PUDP: variants seen among roughly 807,000 people sequenced by gnomAD.
PUDP encodes the protein pseudouridine-5'-phosphatase.
Under a neutral mutation model 9.4 loss-of-function variants are expected in PUDP, and 8 were observed. The ratio of observed to expected loss-of-function variants is 0.85; its 90% CI spans 0.50 to 1.53. PUDP has a LOEUF of 1.53. Ranked by LOEUF, PUDP falls within the 40% of genes most tolerant of loss-of-function variation. The pLI is 0.00. For synonymous variants in PUDP, 99 were observed against 80.7 expected, an observed-to-expected ratio of 1.23 and a Z score of -1.22; for missense variants, 188 against 189.7, an observed-to-expected ratio of 0.99 and a Z score of 0.05.
At chrX:6,971,613 A>G (rs1460330554) in intron 3 of PUDP, among the ~76,000 whole-genome samples, 3 of 104,061 alleles carry the variant, frequency 2.9e-5, no homozygotes, top group Non-Finnish European at 5.9e-5. Flanking sequence ...TTCAGTAGAG[A>G]CGGGGTTTCA....
intron 3 of PUDP, among the ~76,000 whole-genome samples, chrX:6,933,540 C>T (rs1212556761): frequency 6.4e-5 from 7 of 110,189 alleles, no homozygotes; most frequent in Non-Finnish European, 1.3e-4. Flanking sequence ...GGGGAAAAAA[C>T]AGAACACAAA....
At chrX:6,834,396 C>G (rs945868753) in intron 3 of PUDP, among the ~76,000 whole-genome samples, 4 of 111,612 alleles carry the variant, frequency 3.6e-5, no homozygotes, top group African/African-American at 1.3e-4. Flanking sequence ...GTTCCTAAGT[C>G]ACCAGGCAGG....
intron 3 of PUDP, among the ~76,000 whole-genome samples, chrX:6,970,505 G>A (rs776948279): frequency 1.8e-5 from 2 of 111,197 alleles, no homozygotes; most frequent in South Asian, 3.8e-4. Flanking sequence ...AGGACCTGGC[G>A]GTACGCAGAA....
chrX:7,089,676 C>T (rs1238118746), intron 2 of PUDP, among the ~76,000 whole-genome samples: 1 of 111,969 alleles, frequency 8.9e-6, no homozygotes, highest in Non-Finnish European at 1.9e-5. Flanking sequence ...TGAAGTTCCA[C>T]TTTCTGTGTC....
chrX:6,814,080 T>C (rs771105765), intron 3 of PUDP, among the ~76,000 whole-genome samples: 12 of 110,711 alleles, frequency 1.1e-4, no homozygotes, highest in Non-Finnish European at 2.1e-4. Context: ...CCTCTCCTCT[T>C]GATCCTGGGT....
chrX:6,709,143 A>G (rs899372178), intron 1 of PUDP, among the ~76,000 whole-genome samples: 11 of 111,919 alleles, frequency 9.8e-5, no homozygotes, highest in Non-Finnish European at 1.7e-4. Flanking sequence ...TTAGATTAGG[A>G]AATGTCACTC....
chrX:6,999,263 A>G (rs929759927), intron 1 of PUDP, among the ~76,000 whole-genome samples: 2 of 111,705 alleles, frequency 1.8e-5, no homozygotes, highest in Non-Finnish European at 3.8e-5. Flanking sequence ...CACTTTCATC[A>G]CTATGTCTTT....
chrX:6,871,366 C>A (rs1418474837), intron 3 of PUDP, among the ~76,000 whole-genome samples: 1 of 111,640 alleles, frequency 9.0e-6, no homozygotes, highest in Admixed American at 9.5e-5. Context: ...TGACCTAAAA[C>A]AGACTGTGAG....
chrX:7,112,400 C>T (rs758340287), intron 1 of PUDP, among the ~76,000 whole-genome samples: 21 of 112,002 alleles, frequency 1.9e-4, no homozygotes, highest in African/African-American at 6.5e-4. Flanking sequence ...AGTTTGTGAC[C>T]GCTTACTTAT....
At chrX:6,825,195 A>C (rs1415384107) in intron 3 of PUDP, among the ~76,000 whole-genome samples, 1 of 111,712 alleles carries the variant, frequency 9.0e-6, no homozygotes, top group Non-Finnish European at 1.9e-5. Context: ...ATATAGGGTG[A>C]AAAAAATATA....
intron 3 of PUDP, among the ~76,000 whole-genome samples, chrX:6,948,866 A>C (rs1928508537): frequency 9.0e-6 from 1 of 111,687 alleles, no homozygotes. Flanking sequence ...GGAACTGTCC[A>C]CTTCCATGGA....
At chrX:6,706,212 GT>G (rs1293498895) in intron 2 of PUDP, 1 of 112,530 alleles carries the variant, frequency 8.9e-6, no homozygotes, top group East Asian at 2.8e-4. Context: ...TTGCTGAATA[GT>G]TATGGAGTTT....
At chrX:6,928,063 T>A (rs963845391) in intron 3 of PUDP, among the ~76,000 whole-genome samples, 1 of 107,886 alleles carries the variant, frequency 9.3e-6, no homozygotes, top group Admixed American at 1.0e-4. Flanking sequence ...GCCTCCCAAG[T>A]GGCTGGGATT....
chrX:6,986,869 C>A (rs931921671), intron 1 of PUDP, among the ~76,000 whole-genome samples: 2 of 111,932 alleles, frequency 1.8e-5, no homozygotes, highest in African/African-American at 6.5e-5. Flanking sequence ...GTTCACGTTG[C>A]GTTTTCTTCT....
intron 3 of PUDP, among the ~76,000 whole-genome samples, chrX:6,866,454 C>T (rs1468887411): frequency 2.7e-5 from 3 of 111,457 alleles, no homozygotes; most frequent in African/African-American, 9.8e-5. Context: ...AAAGAGAATT[C>T]ATTTCACCCA....
At chrX:6,944,367 G>C (rs1233659898) in intron 3 of PUDP, among the ~76,000 whole-genome samples, 6 of 111,467 alleles carry the variant, frequency 5.4e-5, no homozygotes, top group Admixed American at 3.8e-4. Flanking sequence ...CCCAGTCTCG[G>C]GCAGTATCTT....
At chrX:7,078,289 G>A (rs909907403) in intron 2 of PUDP, among the ~76,000 whole-genome samples, 8 of 112,339 alleles carry the variant, frequency 7.1e-5, no homozygotes, top group African/African-American at 2.6e-4. Context: ...GTGACGGTTT[G>A]CCTAAAATTT....
intron 3 of PUDP, among the ~76,000 whole-genome samples, chrX:6,731,801 G>A (rs1468494822): frequency 9.3e-6 from 1 of 107,861 alleles, no homozygotes; most frequent in Non-Finnish European, 1.9e-5. Context: ...GGGAAGGGAC[G>A]GCGGAAGGAA....
rs781205099 is a variant in PUDP at position 7,038,119 on chromosome X, G to A, written c.204+39101C>T. Among the ~76,000 whole-genome samples, 11 of 97,720 alleles carry A rather than the reference G, an allele frequency of 1.1e-4. No individual in the cohort carries two copies. In the East Asian group the frequency reaches 3.4e-3, roughly 30 times the overall value. The allele number at this position is 97,720 out of a possible 115,157, so 84.9% of individuals were successfully genotyped here. A position where few individuals can be genotyped will look rare whatever the true frequency, so the allele number is the denominator to read the frequency against. ...ATTTGATTGAAATGCACCAGAGGATGCAGATATATATATATCCTTTTACCT... is the reference window on the plus strand; with the variant it reads ...ATTTGATTGAAATGCACCAGAGGATACAGATATATATATATCCTTTTACCT... On this transcript the variant is annotated intron_variant and NMD_transcript_variant, in intron 1 of 3. Transcript: ENST00000655425.
Sources: allele counts gnomAD v4.1 joint callset (sites outside exome capture counted in the v4.1 genomes callset), GRCh38; gene constraint gnomAD v4.1.1; transcripts MANE v1.5; gene names NCBI Gene and HGNC (gene_info 2026-07-23, HGNC 2026-07-21).